The following DGCR2 variants were observed in gnomAD, a reference collection of about 807,000 sequenced individuals.
The protein encoded by DGCR2 is integral membrane protein DGCR2/IDD.
In DGCR2, 24 loss-of-function variants were observed where a neutral mutation model predicts 51.6. The observed-to-expected ratio is 0.47, with a 90% CI of 0.34 to 0.65. The LOEUF (loss-of-function observed/expected upper bound fraction) is 0.65. Ranked by LOEUF, DGCR2 falls within the 30% of genes least tolerant of loss-of-function variation. The probability of loss-of-function intolerance (pLI) is 0.01; values close to 1 mark genes in which losing one functional copy is unlikely to be tolerated. For synonymous variants in DGCR2, 340 were observed against 315.4 expected (o/e 1.08, Z -0.82); for missense variants, 765 against 772.1 (o/e 0.99, Z 0.11).
intron 9 of DGCR2, among the ~76,000 whole-genome samples, chr22:19,039,493 G>C (rs944508737): frequency 6.6e-6 from 1 of 152,138 alleles, no homozygotes; most frequent in Non-Finnish European, 1.5e-5. Context: ...GTGAAGACCC[G>C]GCTCAGCAAG....
intron 3 of DGCR2, chr22:19,065,832 G>C (rs2082741900): frequency 6.6e-6 from 1 of 152,234 alleles, no homozygotes; most frequent in Non-Finnish European, 1.5e-5. Flanking sequence ...GTACACTGGA[G>C]AAGAGTGACA....
intron 1 of DGCR2, among the ~76,000 whole-genome samples, chr22:19,116,346 C>A (rs2083373206): frequency 6.6e-6 from 1 of 152,266 alleles, no homozygotes; most frequent in Admixed American, 6.5e-5. Flanking sequence ...CATGTCCACA[C>A]TGACAGGACA....
At chr22:19,050,955 G>A (rs555287427) in intron 6 of DGCR2, among the ~76,000 whole-genome samples, 176 of 152,208 alleles carry the variant, frequency 1.2e-3, no homozygotes, top group African/African-American at 3.5e-3. Flanking sequence ...TTGTGAGGCC[G>A]AGGTAGGTGG....
At chr22:19,081,612 T>C (rs899396482) in intron 2 of DGCR2, among the ~76,000 whole-genome samples, 3 of 152,222 alleles carry the variant, frequency 2.0e-5, no homozygotes, top group Non-Finnish European at 2.9e-5. Flanking sequence ...TGTGGATGGC[T>C]TGGAATTTTA....
intron 2 of DGCR2, among the ~76,000 whole-genome samples, chr22:19,082,959 C>T (rs1226074982): frequency 2.6e-5 from 4 of 151,194 alleles, no homozygotes; most frequent in Admixed American, 6.6e-5. Flanking sequence ...TGGTGGTGCA[C>T]GCTTGTAGTC....
intron 1 of DGCR2, among the ~76,000 whole-genome samples, chr22:19,116,126 C>G (rs902100474): frequency 6.6e-6 from 1 of 152,212 alleles, no homozygotes; most frequent in East Asian, 1.9e-4. Flanking sequence ...CTCTAGAGCC[C>G]ATGCTCTTAA....
intron 3 of DGCR2, among the ~76,000 whole-genome samples, chr22:19,066,659 G>A (rs2082753009): frequency 6.6e-6 from 1 of 152,246 alleles, no homozygotes; most frequent in Non-Finnish European, 1.5e-5. Flanking sequence ...AGGGAGGGAA[G>A]CTGGCTGAGG....
intron 7 of DGCR2, chr22:19,047,412 G>A (rs535756456): frequency 2.6e-4 from 39 of 152,318 alleles, no homozygotes; most frequent in African/African-American, 9.4e-4. Context: ...GGCCCCTAGA[G>A]ACAGAGATGG....
intron 2 of DGCR2, among the ~76,000 whole-genome samples, chr22:19,077,443 T>A (rs1268858060): frequency 6.6e-6 from 1 of 152,212 alleles, no homozygotes; most frequent in Non-Finnish European, 1.5e-5. Context: ...AAAAGACACT[T>A]TTTCCCTCAC....
chr22:19,074,415 A>G (rs1490169480), intron 2 of DGCR2, among the ~76,000 whole-genome samples: 5 of 114,856 alleles, frequency 4.4e-5, no homozygotes, highest in Non-Finnish European at 1.7e-5. Flanking sequence ...GCAAGATGAA[A>G]AAAAAAAAAA....
At chr22:19,101,718 G>A (rs2083204055) in intron 1 of DGCR2, among the ~76,000 whole-genome samples, 1 of 136,010 alleles carries the variant, frequency 7.4e-6, no homozygotes, top group Non-Finnish European at 1.5e-5. Flanking sequence ...TCCAGCCTGG[G>A]CAACAGGAGC....
At chr22:19,122,056 AAAG>A in intron 1 of DGCR2, 69 bp downstream of exon 1, 8 of 1,125,322 alleles carry the variant, frequency 7.1e-6, no homozygotes, top group Non-Finnish European at 9.3e-6. Context: ...GCCGCGGGTG[AAAG>A]GAGGTCCCGG....
At chr22:19,087,677 G>GTTTT (rs1429867195) in intron 2 of DGCR2, among the ~76,000 whole-genome samples, 1 of 124,092 alleles carries the variant, frequency 8.1e-6, no homozygotes, top group South Asian at 3.1e-4. Context: ...ACTGCACCTG[G>GTTTT]CTTTTTTTTT....
chr22:19,089,705 T>C (rs2083057577), intron 1 of DGCR2, among the ~76,000 whole-genome samples: 1 of 152,268 alleles, frequency 6.6e-6, no homozygotes, highest in African/African-American at 2.4e-5. Flanking sequence ...CTCAGCCTCC[T>C]GAGTAGCTGG....
chr22:19,044,743 G>A (rs1402681652), intron 7 of DGCR2, among the ~76,000 whole-genome samples: 1 of 152,230 alleles, frequency 6.6e-6, no homozygotes, highest in Non-Finnish European at 1.5e-5. Flanking sequence ...ACTGAGCATC[G>A]TTTCAGCTGC....
rs1440370187 is a variant in DGCR2 at position 19,037,367 on chromosome 22, G to A, written c.*1498C>T. ...GAAAAAATGGGTCTCCAGCCACAGT[G>A]TGAGAATGTGTCAAGAAGTGGACTG... On this transcript the variant is annotated 3_prime_UTR_variant, in exon 10 of 10. Transcript: ENST00000263196. The A allele has an allele frequency of 6.6e-6, 1 of 152,300 alleles. No individual in the cohort carries two copies. The highest frequency in any genetic ancestry group is 1.5e-5 in the Non-Finnish European group (1 of 68,078). 9.4% of individuals were successfully genotyped at this position (152,300 alleles called of 1,614,324 possible). A position where few individuals can be genotyped will look rare whatever the true frequency, so the allele number is the denominator to read the frequency against.
intron 2 of DGCR2, among the ~76,000 whole-genome samples, 182 bp from the exon 3 acceptor site, chr22:19,068,407 G>A (rs926264164): frequency 1.8e-4 from 27 of 152,340 alleles, no homozygotes; most frequent in African/African-American, 6.5e-4. Flanking sequence ...AATGGGTCCC[G>A]TGTGCTTCTT....
chr22:19,102,560 G>A (rs1035046145), intron 1 of DGCR2, among the ~76,000 whole-genome samples: 1 of 152,078 alleles, frequency 6.6e-6, no homozygotes, highest in African/African-American at 2.4e-5. Flanking sequence ...AAATTAGCCG[G>A]GCATGGTGGC....
rs1010536498 is a variant in DGCR2 at position 19,063,119 on chromosome 22, C to T, written c.625+83G>A. ...CAGCACCCCTACGGGCCAGGCAGCACTGGGTAAGAGGGAGGAGGGGAGGCC... is the reference window on the plus strand; with the variant it reads ...CAGCACCCCTACGGGCCAGGCAGCATTGGGTAAGAGGGAGGAGGGGAGGCC... On this transcript the variant is annotated intron_variant, in intron 5 of 9. Coordinates refer to ENST00000263196, the MANE Select transcript of DGCR2 (RefSeq NM_005137.3). The T allele has an allele frequency of 2.4e-5, 33 of 1,349,286 alleles. No homozygotes were observed. In the Middle Eastern group the frequency reaches 5.4e-4, roughly 22 times the overall value. 83.6% of individuals were successfully genotyped at this position (1,349,286 alleles called of 1,614,324 possible).
Sources: gnomAD v4.1 joint callset for allele counts (sites outside exome capture counted in the v4.1 genomes callset) on GRCh38, gnomAD v4.1.1 for gene constraint, MANE v1.5 for transcripts, NCBI Gene and HGNC (gene_info 2026-07-23, HGNC 2026-07-21) for gene names.